The following FRMD4A variants were observed in gnomAD, a reference collection of about 807,000 sequenced individuals.
The protein encoded by FRMD4A is FERM domain containing 4A.
Under a neutral mutation model 129.1 loss-of-function variants are expected in FRMD4A, and 29 were observed. The observed-to-expected ratio is 0.22, with a 90% CI of 0.17 to 0.31. The LOEUF (loss-of-function observed/expected upper bound fraction) is 0.31, where lower values mean the gene tolerates loss of function less well. Among genes scored for constraint, FRMD4A ranks in the 10% least tolerant of loss-of-function variants. The pLI is 1.00. For synonymous variants in FRMD4A, 634 were observed against 571.6 expected (o/e 1.11, Z -1.56); for missense variants, 1,272 against 1,375.8 (o/e 0.92, Z 1.19).
At chr10:13,847,467 C>G (rs1360289148) in intron 3 of FRMD4A, among the ~76,000 whole-genome samples, 1 of 152,186 alleles carries the variant, frequency 6.6e-6, no homozygotes, top group Non-Finnish European at 1.5e-5. Context: ...CCTGGCCAGG[C>G]TGCACTCCTC....
At chr10:13,738,224 GCTCT>G (rs374408556) in intron 11 of FRMD4A, among the ~76,000 whole-genome samples, 2 of 151,864 alleles carry the variant, frequency 1.3e-5, no homozygotes, top group African/African-American at 4.8e-5. Context: ...CCCTGCTTGC[GCTCT>G]CTCTCTCTCT....
chr10:14,289,876 CA>C (rs565759954), intron 2 of FRMD4A, among the ~76,000 whole-genome samples: 1 of 151,120 alleles, frequency 6.6e-6, no homozygotes, highest in African/African-American at 2.4e-5. Context: ...TCCACACACA[CA>C]AAAAAAACTC....
At chr10:13,982,652 T>A (rs2095566541) in intron 2 of FRMD4A, among the ~76,000 whole-genome samples, 1 of 152,216 alleles carries the variant, frequency 6.6e-6, no homozygotes, top group Non-Finnish European at 1.5e-5. Context: ...GTCTTCCCAC[T>A]CAGTCCATTA....
intron 2 of FRMD4A, among the ~76,000 whole-genome samples, chr10:13,902,657 T>A (rs1388451490): frequency 6.6e-6 from 1 of 151,712 alleles, no homozygotes; most frequent in East Asian, 1.9e-4. Context: ...CTGGCCAACA[T>A]GGTGAAATCC....
chr10:13,818,055 T>A (rs1001929442), intron 3 of FRMD4A, among the ~76,000 whole-genome samples: 7 of 152,244 alleles, frequency 4.6e-5, no homozygotes, highest in African/African-American at 1.7e-4. Flanking sequence ...TCCAGATAGA[T>A]GATCTTAGAC....
chr10:13,747,156 A>C (rs1244469458), intron 9 of FRMD4A, among the ~76,000 whole-genome samples: 1 of 146,716 alleles, frequency 6.8e-6, no homozygotes, highest in African/African-American at 2.6e-5. Context: ...AAATTTTAGA[A>C]GGTATTCTTT....
At chr10:13,670,591 G>A (rs965187723) in intron 16 of FRMD4A, 63 bp from the exon 17 acceptor site, 1 of 1,569,004 alleles carries the variant, frequency 6.4e-7, no homozygotes, top group Non-Finnish European at 8.7e-7. Context: ...CTGCTTCCTA[G>A]AACACACACA....
intron 2 of FRMD4A, among the ~76,000 whole-genome samples, chr10:14,109,831 G>T (rs1355148032): frequency 6.6e-6 from 1 of 151,670 alleles, no homozygotes; most frequent in Non-Finnish European, 1.5e-5. Flanking sequence ...AATTAGCCGG[G>T]TGTGGTGGCG....
At chr10:14,110,965 A>G (rs184860188) in intron 2 of FRMD4A, among the ~76,000 whole-genome samples, 2 of 152,288 alleles carry the variant, frequency 1.3e-5, no homozygotes, top group Admixed American at 1.3e-4. Context: ...AGTATCTGGG[A>G]CTAAAGGCAT....
chr10:14,306,731 G>T (rs1293821441), intron 2 of FRMD4A, among the ~76,000 whole-genome samples: 2 of 152,248 alleles, frequency 1.3e-5, no homozygotes, highest in Admixed American at 1.3e-4. Context: ...TGGACATTCA[G>T]TGGAGGTTTC....
intron 2 of FRMD4A, among the ~76,000 whole-genome samples, chr10:13,995,627 C>G (rs978555967): frequency 6.6e-6 from 1 of 152,118 alleles, no homozygotes; most frequent in Non-Finnish European, 1.5e-5. Context: ...TATGGCTGAA[C>G]CAAAAGCCAT....
chr10:14,138,441 C>T (rs560842225), intron 2 of FRMD4A, among the ~76,000 whole-genome samples: 131 of 152,294 alleles, frequency 8.6e-4, no homozygotes, highest in Middle Eastern at 3.4e-3. Flanking sequence ...CTTCCTAACG[C>T]GTTGGGATAA....
chr10:13,934,477 T>G (rs1207472129), intron 2 of FRMD4A, among the ~76,000 whole-genome samples: 1 of 152,200 alleles, frequency 6.6e-6, no homozygotes, highest in East Asian at 1.9e-4. Context: ...AACTTTTTTT[T>G]TTTTTAAATG....
At chr10:14,080,645 G>A (rs114856015) in intron 2 of FRMD4A, among the ~76,000 whole-genome samples, 1,610 of 152,020 alleles carry the variant, frequency 0.011, 23 homozygotes, top group African/African-American at 0.034. Flanking sequence ...AGCGATCTTG[G>A]AAGCCACTAA....
intron 2 of FRMD4A, among the ~76,000 whole-genome samples, chr10:14,319,452 G>A (rs759528370): frequency 1.3e-5 from 2 of 149,186 alleles, no homozygotes; most frequent in African/African-American, 4.9e-5. Context: ...TTCCTAGTTC[G>A]GCCATGCCTA....
chr10:13,845,572 A>G (rs2094032522), intron 3 of FRMD4A, among the ~76,000 whole-genome samples: 1 of 152,200 alleles, frequency 6.6e-6, no homozygotes, highest in Non-Finnish European at 1.5e-5. Flanking sequence ...CACACGAGGT[A>G]GCAAAGGCCA....
At chr10:13,916,568 T>C (rs1228270422) in intron 2 of FRMD4A, among the ~76,000 whole-genome samples, 1 of 152,236 alleles carries the variant, frequency 6.6e-6, no homozygotes, top group Non-Finnish European at 1.5e-5. Context: ...ATACCCATTT[T>C]ACAGAAGAGG....
chr10:13,814,609 AAAG>A (rs2093507633), intron 3 of FRMD4A, among the ~76,000 whole-genome samples: 3 of 124,530 alleles, frequency 2.4e-5, no homozygotes, highest in South Asian at 2.8e-4. Flanking sequence ...AAAAAAAAAG[AAAG>A]AAAGGGAAAG....
intron 2 of FRMD4A, among the ~76,000 whole-genome samples, chr10:14,225,696 T>C (rs1417150982): frequency 1.3e-5 from 2 of 152,216 alleles, no homozygotes; most frequent in African/African-American, 2.4e-5. Context: ...CTTGTTCTGA[T>C]TGCATGTGCA....
Sources: allele counts gnomAD v4.1 joint callset (sites outside exome capture counted in the v4.1 genomes callset), GRCh38; gene constraint gnomAD v4.1.1; transcripts MANE v1.5; gene names NCBI Gene and HGNC (gene_info 2026-07-23, HGNC 2026-07-21).